The following SUMF1 variants were observed in gnomAD, a reference collection of about 807,000 sequenced individuals.
SUMF1 encodes sulfatase modifying factor 1, also known as formylglycine-generating enzyme.
A neutral mutation model predicts 47.6 loss-of-function variants in SUMF1; 48 were observed. That is an observed-to-expected ratio of 1.01 (90% confidence interval 0.80 to 1.28). The LOEUF is 1.28. Ranked by LOEUF, SUMF1 falls within the 50% of genes most tolerant of loss-of-function variation. SUMF1 has a pLI of 0.00. For missense variants in SUMF1, 571 were observed against 485.4 expected (o/e 1.18, Z -1.66); for synonymous variants, 230 against 192.1 (o/e 1.20, Z -1.63).
At chr3:4,352,421 C>T (rs896525520) in intron 8 of SUMF1, among the ~76,000 whole-genome samples, 2 of 152,064 alleles carry the variant, frequency 1.3e-5, no homozygotes, top group African/African-American at 2.4e-5. Context: ...CACAATTTAC[C>T]GCACAATGAA....
chr3:4,293,546 A>G (rs1158886596), intron 8 of SUMF1, among the ~76,000 whole-genome samples: 1 of 152,360 alleles, frequency 6.6e-6, no homozygotes, highest in East Asian at 1.9e-4. Context: ...CAAGAGAGAC[A>G]TAATCTTATA....
chr3:4,348,220 G>A (rs374855275), intron 8 of SUMF1, among the ~76,000 whole-genome samples: 2 of 152,134 alleles, frequency 1.3e-5, no homozygotes, highest in Admixed American at 6.5e-5. Context: ...GGATAGCCAA[G>A]ACAATTCTGA....
chr3:4,360,205 CT>C (rs57690047), downstream of SUMF1, among the ~76,000 whole-genome samples: 291 of 104,104 alleles, frequency 2.8e-3, 1 homozygote, highest in Admixed American at 0.01. Flanking sequence ...AATGTTTGTT[CT>C]TTTTTTTTTT....
intron 3 of SUMF1, among the ~76,000 whole-genome samples, chr3:4,442,206 G>C (rs893169006): frequency 1.3e-5 from 2 of 151,856 alleles, no homozygotes; most frequent in African/African-American, 4.8e-5. Context: ...GGTTTAAGGG[G>C]CCCATGGTAA....
At position 4,162,127 on chromosome 3, in the gene SUMF1, G is replaced by A. The variant is rs371352444; in HGVS notation, c.1015-93382C>T. Among the ~76,000 whole-genome samples, 12 of 152,044 alleles carry A rather than the reference G, an allele frequency of 7.9e-5. 2 individuals are homozygous for A. The highest frequency in any genetic ancestry group is 6.5e-5 in the Admixed American group (1 of 15,284). Reference sequence around the variant, plus strand: ...TTTGAGAGCTAGGGCCTGGAATGGGGGCCTCACAACTCTGTCTAATGCCCT... The same window carrying A: ...TTTGAGAGCTAGGGCCTGGAATGGGAGCCTCACAACTCTGTCTAATGCCCT... On this transcript the variant is annotated intron_variant and NMD_transcript_variant, in intron 8 of 12. Transcript: ENST00000448413.
chr3:4,142,481 C>G (rs564611761), intron 8 of SUMF1, among the ~76,000 whole-genome samples: 1 of 152,132 alleles, frequency 6.6e-6, no homozygotes. Context: ...ATTTTGTAAT[C>G]CTTAATTATT....
chr3:4,051,166 G>T (rs1364665310), intron 9 of SUMF1, among the ~76,000 whole-genome samples: 1 of 151,508 alleles, frequency 6.6e-6, no homozygotes, highest in Non-Finnish European at 1.5e-5. Flanking sequence ...AGCAGTGGAA[G>T]AAAGCTCCTA....
At chr3:4,258,165 G>C (rs1014529488) in intron 8 of SUMF1, among the ~76,000 whole-genome samples, 1 of 149,958 alleles carries the variant, frequency 6.7e-6, no homozygotes, top group Non-Finnish European at 1.5e-5. Context: ...AACCCTAGAA[G>C]AAAACCTAGG....
chr3:4,244,469 T>A (rs1221284993), intron 8 of SUMF1, among the ~76,000 whole-genome samples: 2 of 152,340 alleles, frequency 1.3e-5, no homozygotes, highest in African/African-American at 2.4e-5. Context: ...ACAAAATCTC[T>A]CAGCATTTGC....
At chr3:4,425,028 C>A (rs143804004) in intron 3 of SUMF1, among the ~76,000 whole-genome samples, 2 of 152,084 alleles carry the variant, frequency 1.3e-5, no homozygotes, top group African/African-American at 4.8e-5. Flanking sequence ...ATGCCAACTG[C>A]GGCAGACAAA....
At chr3:4,199,056 G>A (rs11924167) in intron 8 of SUMF1, among the ~76,000 whole-genome samples, 1 of 151,532 alleles carries the variant, frequency 6.6e-6, no homozygotes, top group African/African-American at 2.4e-5. Context: ...GATCAAATGA[G>A]TTTAGGTAAA....
intron 8 of SUMF1, among the ~76,000 whole-genome samples, chr3:4,335,037 G>A (rs1038315781): frequency 6.6e-6 from 1 of 152,118 alleles, no homozygotes; most frequent in African/African-American, 2.4e-5. Context: ...TTCTTAACCA[G>A]CCAGGGATTT....
intron 2 of SUMF1, among the ~76,000 whole-genome samples, chr3:4,450,976 G>A (rs1172273328): frequency 2.7e-5 from 4 of 148,506 alleles, no homozygotes; most frequent in Non-Finnish European, 5.9e-5. Context: ...TAAAAAAACA[G>A]AGCATTTTGT....
chr3:4,391,384 G>C (rs1700856702), intron 7 of SUMF1, among the ~76,000 whole-genome samples: 1 of 152,086 alleles, frequency 6.6e-6, no homozygotes, highest in Admixed American at 6.6e-5. Flanking sequence ...CTCTCCATTT[G>C]AGATTCCCTT....
At chr3:4,075,275 T>G (rs1269755418) in intron 8 of SUMF1, among the ~76,000 whole-genome samples, 2 of 152,058 alleles carry the variant, frequency 1.3e-5, no homozygotes, top group East Asian at 3.9e-4. Flanking sequence ...AAAAGAGGAC[T>G]TGACAAAATT....
chr3:4,388,593 C>T (rs975343922), intron 7 of SUMF1, among the ~76,000 whole-genome samples: 8 of 151,874 alleles, frequency 5.3e-5, no homozygotes, highest in Non-Finnish European at 1.2e-4. Flanking sequence ...TTAAGTCTGT[C>T]ATTTTATTTT....
chr3:4,301,165 A>G (rs1697955529), intron 8 of SUMF1, among the ~76,000 whole-genome samples: 2 of 152,242 alleles, frequency 1.3e-5, no homozygotes, highest in African/African-American at 4.8e-5. Context: ...AAAGAAAGAT[A>G]CAGAGAAGGG....
intron 7 of SUMF1, 143 bp from the exon 8 acceptor site, chr3:4,376,532 C>G (rs1700336068): frequency 2.3e-6 from 2 of 857,594 alleles, no homozygotes; most frequent in South Asian, 1.4e-5. Flanking sequence ...GGCTTTGTAT[C>G]TGTATTCGTG....
At position 4,460,330 on chromosome 3, in the gene SUMF1, G is replaced by A. The variant is rs759875766; in HGVS notation, c.270+6646C>T. Among the ~76,000 whole-genome samples the A allele has an allele frequency of 8.6e-5, 13 of 152,040 alleles. 1 individual carries two copies. The highest frequency in any genetic ancestry group is 4.6e-4 in the Admixed American group (7 of 15,260). On this transcript the variant is annotated intron_variant, in intron 1 of 8. Coordinates refer to ENST00000272902, the MANE Select transcript of SUMF1 (RefSeq NM_182760.4). ...ATATGTTTTTAAATTTTTAAACCAC[G>A]TAAATATACTACCTGTTTTAAAAAA...
Sources: allele counts gnomAD v4.1 joint callset (sites outside exome capture counted in the v4.1 genomes callset), GRCh38; gene constraint gnomAD v4.1.1; transcripts MANE v1.5; gene names NCBI Gene and HGNC (gene_info 2026-07-23, HGNC 2026-07-21).